Variants in NPFFR2 observed in about 807,000 individuals in gnomAD.
The protein encoded by NPFFR2 is G-protein coupled receptor 74.
Under a neutral mutation model 13.1 loss-of-function variants are expected in NPFFR2, and 15 were observed. The ratio of observed to expected loss-of-function variants is 1.15; its 90% CI spans 0.77 to 1.76. The LOEUF (loss-of-function observed/expected upper bound fraction) is 1.76, where lower values mean the gene tolerates loss of function less well. Among genes scored for constraint, NPFFR2 ranks in the 40% most tolerant of loss-of-function variants. The pLI is 0.00. For synonymous variants in NPFFR2, 190 were observed against 175.7 expected, an observed-to-expected ratio of 1.08 and a Z score of -0.65; for missense variants, 572 against 503.5, an observed-to-expected ratio of 1.14 and a Z score of -1.30.
intron 1 of NPFFR2, among the ~76,000 whole-genome samples, chr4:72,125,385 T>G (rs1323919889): frequency 1.3e-5 from 2 of 152,004 alleles, no homozygotes; most frequent in Non-Finnish European, 2.9e-5. Context: ...CTCAACTATG[T>G]ATATAGAAAG....
chr4:72,050,532 C>T (rs1003801708), intron 1 of NPFFR2, among the ~76,000 whole-genome samples: 3 of 151,890 alleles, frequency 2.0e-5, no homozygotes, highest in Admixed American at 6.6e-5. Context: ...AATTCCAACC[C>T]GACTCTATTA....
At chr4:72,078,338 G>A (rs1336131540) in intron 1 of NPFFR2, among the ~76,000 whole-genome samples, 1 of 152,018 alleles carries the variant, frequency 6.6e-6, no homozygotes, top group East Asian at 1.9e-4. Flanking sequence ...CAAGAGAAAG[G>A]GTTGAAGAAA....
At chr4:72,063,268 T>TTGGCAAAATGAATTTTGCA (rs571608735) in intron 1 of NPFFR2, among the ~76,000 whole-genome samples, 4 of 152,180 alleles carry the variant, frequency 2.6e-5, no homozygotes, top group East Asian at 3.9e-4. Context: ...AATTTATTCA[T>TTGGCAAAATGAATTTTGCA]TGGCAAAATG....
At chr4:72,075,068 T>C (rs1293814222) in intron 1 of NPFFR2, among the ~76,000 whole-genome samples, 1 of 152,158 alleles carries the variant, frequency 6.6e-6, no homozygotes, top group Non-Finnish European at 1.5e-5. Context: ...TGTGAGGGTG[T>C]TGCCAACGAA....
At position 72,108,226 on chromosome 4, in the gene NPFFR2, A is replaced by G. The variant is rs145344095; in HGVS notation, c.-7-20359A>G. Among the ~76,000 whole-genome samples, 1,197 of 152,148 alleles carry G rather than the reference A, an allele frequency of 7.9e-3. 14 individuals carry two copies. Among genetic ancestry groups the G allele is most frequent in the African/African-American group, 0.027 (1,120 of 41,534 alleles). On this transcript the variant is annotated intron_variant, in intron 1 of 3. Transcript: ENST00000308744. ...CAGTTTCCAGGGAGTCATGCCTCAT[A>G]AATTCATATGTTCTGTATTTATTTA...
intron 3 of NPFFR2, among the ~76,000 whole-genome samples, chr4:72,138,743 G>T (rs185924513): frequency 6.6e-6 from 1 of 152,200 alleles, no homozygotes; most frequent in Admixed American, 6.5e-5. Context: ...TGTCTTTATA[G>T]TAGCATGCTT....
intron 1 of NPFFR2, among the ~76,000 whole-genome samples, chr4:72,038,905 C>CTTTTTTTTTTTTTTTTTTT (rs1158358179): frequency 4.7e-5 from 4 of 84,754 alleles, no homozygotes; most frequent in Admixed American, 1.6e-4. Context: ...AATTTCCTTT[C>CTTTTTTTTTTTTTTTTTTT]TTTTTTTTTT....
intron 1 of NPFFR2, among the ~76,000 whole-genome samples, chr4:72,095,399 T>G (rs1362071762): frequency 1.3e-5 from 2 of 152,162 alleles, no homozygotes; most frequent in Admixed American, 1.3e-4. Context: ...TCTTTTTGTG[T>G]TGCTGTTTTT....
intron 1 of NPFFR2, among the ~76,000 whole-genome samples, chr4:72,048,674 G>A (rs991926305): frequency 4.6e-5 from 7 of 151,958 alleles, no homozygotes; most frequent in Non-Finnish European, 1.0e-4. Flanking sequence ...GGTGCCAAGT[G>A]ATATGAGTAC....
chr4:72,107,355 T>C (rs1721445504), intron 1 of NPFFR2, among the ~76,000 whole-genome samples: 1 of 151,140 alleles, frequency 6.6e-6, no homozygotes, highest in Non-Finnish European at 1.5e-5. Context: ...AACTTCATTC[T>C]GGTTAGTTTT....
chr4:72,147,720 G>A lies in NPFFR2; in HGVS notation c.1171G>A (p.Glu391Lys). ...QESTFQNPHG[E>K]TLLYRKSAEK... is the part of the protein sequence containing the mutation. ...ATCTACATTTCAAAACCCTCATGGG[G>A]AAACCTTGCTTTATAGGAAAAGTGC... The change falls in exon 4 of 4, where the codon GAA becomes AAA. Residue 391 changes from glutamate (E) to lysine (K), a missense_variant. Coordinates refer to ENST00000308744, the MANE Select transcript of NPFFR2 (RefSeq NM_004885.3). 10 of 1,612,514 alleles carry A rather than the reference G, an allele frequency of 6.2e-6. No individual in the cohort carries two copies. The highest frequency in any genetic ancestry group is 8.5e-6 in the Non-Finnish European group (10 of 1,179,632).
Position 72,147,597 on chromosome 4 carries a change from C to T in NPFFR2, c.1048C>T (p.Leu350Phe). 1 of 1,614,204 alleles carries T rather than the reference C, an allele frequency of 6.2e-7. No homozygotes were observed. The highest frequency in any genetic ancestry group is 1.3e-5 in the African/African-American group (1 of 75,048). The change falls in exon 4 of 4, where the codon CTC (leucine) becomes TTC (phenylalanine). Residue 350 changes from leucine (L) to phenylalanine (F), a missense_variant. Transcript: ENST00000308744. ...CCGTGGTTTCCAAGAAGCTTTCCAG[C>T]TCCAGCTCTGCCAAAAAAGAGCAAA... ...FRRGFQEAFQ[L>F]QLCQKRAKPM... is the part of the protein sequence containing the mutation.
chr4:72,093,390 G>C (rs908030647), intron 1 of NPFFR2, among the ~76,000 whole-genome samples: 1 of 152,064 alleles, frequency 6.6e-6, no homozygotes, highest in Non-Finnish European at 1.5e-5. Flanking sequence ...AGCAAGGCCA[G>C]GTAAGTTTTT....
intron 1 of NPFFR2, among the ~76,000 whole-genome samples, chr4:72,108,695 ACTAC>A (rs2109816885): frequency 6.6e-6 from 1 of 152,152 alleles, no homozygotes; most frequent in South Asian, 2.1e-4. Flanking sequence ...CAAGATTTTA[ACTAC>A]CTAATAGGGA....
intron 1 of NPFFR2, among the ~76,000 whole-genome samples, chr4:72,064,912 TCTTA>T (rs1229150697): frequency 1.3e-5 from 2 of 152,066 alleles, no homozygotes; most frequent in African/African-American, 4.8e-5. Context: ...GAGACTTGTT[TCTTA>T]CTTCTTCTAC....
intron 1 of NPFFR2, among the ~76,000 whole-genome samples, chr4:72,073,812 G>C (rs1190689275): frequency 2.6e-5 from 4 of 151,872 alleles, no homozygotes; most frequent in African/African-American, 9.7e-5. Context: ...ATTCAAATTG[G>C]TGTAACAACT....
At chr4:72,047,096 T>A (rs928977832) in intron 1 of NPFFR2, among the ~76,000 whole-genome samples, 4 of 151,930 alleles carry the variant, frequency 2.6e-5, no homozygotes, top group Non-Finnish European at 5.9e-5. Context: ...ACGTGAGGGA[T>A]GACTTCAATA....
At chr4:72,080,156 GTT>G (rs1036217945) in intron 1 of NPFFR2, among the ~76,000 whole-genome samples, 15 of 23,854 alleles carry the variant, frequency 6.3e-4, no homozygotes, top group African/African-American at 1.1e-3. Context: ...TGTTGTTGTT[GTT>G]TTTTTGTTTT....
At chr4:72,127,303 CAAAAAAAAAA>C (rs772559589) in intron 1 of NPFFR2, among the ~76,000 whole-genome samples, 1 of 11,424 alleles carries the variant, frequency 8.8e-5, no homozygotes, top group Non-Finnish European at 1.5e-4. Context: ...GACTCCATCT[CAAAAAAAAAA>C]AAAAAAAAAA....
Sources: gnomAD v4.1 joint callset for allele counts (sites outside exome capture counted in the v4.1 genomes callset) on GRCh38, gnomAD v4.1.1 for gene constraint, MANE v1.5 for transcripts, NCBI Gene and HGNC (gene_info 2026-07-23, HGNC 2026-07-21) for gene names.